Variants in PKD2 observed in about 807,000 individuals in gnomAD.
The protein encoded by PKD2 is polycystin 2, transient receptor potential cation channel.
PKD2 carries 48 observed loss-of-function variants against 105.9 expected under a neutral mutation model. The ratio of observed to expected loss-of-function variants is 0.45; its 90% CI spans 0.36 to 0.58. PKD2 has a LOEUF of 0.58. Among genes scored for constraint, PKD2 ranks in the 20% least tolerant of loss-of-function variants. The pLI, the probability that PKD2 is intolerant of heterozygous loss-of-function variation, is 0.00. For missense variants in PKD2, 1,078 were observed against 1,255.3 expected (o/e 0.86, Z 2.13); for synonymous variants, 464 against 481.1 (o/e 0.96, Z 0.46).
intron 2 of PKD2, among the ~76,000 whole-genome samples, chr4:88,031,972 T>C (rs1727173462): frequency 6.6e-6 from 1 of 152,212 alleles, no homozygotes; most frequent in African/African-American, 2.4e-5. Context: ...AAAAAATATT[T>C]TGTTCCTGAT....
rs1473427950 is a variant in PKD2 at position 88,007,667 on chromosome 4, T to A, written c.-67T>A. The A allele has an allele frequency of 9.7e-7, 1 of 1,032,276 alleles. No individual in the cohort carries two copies. Among genetic ancestry groups the A allele is most frequent in the Non-Finnish European group, 1.2e-6 (1 of 850,996 alleles). 63.9% of individuals were successfully genotyped at this position (1,032,276 alleles called of 1,614,324 possible). ...GGCGGGCGCCGGGAAGAAAGGAACA[T>A]GGCTCCTGAGGCGCACAGCGCCGAG... On this transcript the variant is annotated 5_prime_UTR_variant, in exon 1 of 15. An upstream start codon of the reference 5' UTR is lost. Transcript: ENST00000237596.
chr4:88,014,585 C>G (rs558840093), intron 1 of PKD2, among the ~76,000 whole-genome samples: 1 of 152,112 alleles, frequency 6.6e-6, no homozygotes, highest in Non-Finnish European at 1.5e-5. Context: ...AAAGCCACTT[C>G]CCTTTCTAAA....
intron 1 of PKD2, among the ~76,000 whole-genome samples, chr4:88,012,712 A>G (rs1726428065): frequency 6.6e-6 from 1 of 152,178 alleles, no homozygotes; most frequent in African/African-American, 2.4e-5. Flanking sequence ...CTCATTAAAC[A>G]GTAACTCCCT....
chr4:88,058,988 T>C (rs1720461892), intron 9 of PKD2, among the ~76,000 whole-genome samples: 1 of 152,226 alleles, frequency 6.6e-6, no homozygotes, highest in Non-Finnish European at 1.5e-5. Flanking sequence ...TCCATTTCAG[T>C]AAATTGTGTA....
rs1170210119 is a variant in PKD2, at chr4:88,056,081, T to C, written c.1717-5T>C. 2 of 1,598,926 alleles carry C rather than the reference T, an allele frequency of 1.3e-6. No individual in the cohort carries two copies. The highest frequency in any genetic ancestry group is 2.2e-5 in the South Asian group (2 of 90,788). The stretch of plus-strand genomic sequence containing the variant: ...TCATCTATTGATGTCTTCTCTCTCT[T>C]ACAGCTCTTCAAATTCATCAATTTT... On this transcript the variant is annotated splice_region_variant and splice_polypyrimidine_tract_variant and intron_variant, in intron 7 of 14. Transcript: ENST00000237596.
At chr4:88,049,817 CAT>C (rs566560089) in intron 6 of PKD2, among the ~76,000 whole-genome samples, 369 of 152,102 alleles carry the variant, frequency 2.4e-3, no homozygotes, top group Admixed American at 6.1e-3. Flanking sequence ...CTTTCCCCAA[CAT>C]ATGTTCTGAA....
In PKD2 at chr4:88,075,368, C is replaced by G. The variant is rs1721192138; in HGVS notation, c.2671-90C>G. The G allele has an allele frequency of 3.1e-6, 3 of 960,680 alleles. 1 individual carries two copies. Among genetic ancestry groups the G allele is most frequent in the East Asian group, 2.4e-5 (1 of 42,004 alleles). 59.5% of individuals were successfully genotyped at this position (960,680 alleles called of 1,614,324 possible). A position where few individuals can be genotyped will look rare whatever the true frequency, so the allele number is the denominator to read the frequency against. On this transcript the variant is annotated intron_variant, in intron 14 of 14. Coordinates refer to ENST00000237596, the MANE Select transcript of PKD2 (RefSeq NM_000297.4). The stretch of plus-strand genomic sequence containing the variant: ...GCTATTATATGCTGTAAATCTCCAG[C>G]CTTACCAAACTACAGATTATTTGGT...
intron 13 of PKD2, among the ~76,000 whole-genome samples, chr4:88,074,086 A>G (rs1211955031): frequency 2.0e-5 from 3 of 152,146 alleles, no homozygotes; most frequent in African/African-American, 7.2e-5. Flanking sequence ...TTAGAATTTT[A>G]TTGTATGGAT....
chr4:88,074,661 G>T, intron 13 of PKD2, 151 bp from the exon 14 acceptor site: 1 of 827,706 alleles, frequency 1.2e-6, no homozygotes, highest in Non-Finnish European at 2.0e-6. Flanking sequence ...GCATCCGAGA[G>T]TTAATCTGTA....
At chr4:88,040,130 GA>G (rs1210668326) in intron 4 of PKD2, among the ~76,000 whole-genome samples, 1 of 152,124 alleles carries the variant, frequency 6.6e-6, no homozygotes, top group Admixed American at 6.6e-5. Context: ...TTTTATAGAT[GA>G]AAAAACTGAG....
intron 5 of PKD2, among the ~76,000 whole-genome samples, chr4:88,044,590 T>C (rs1052784580): frequency 6.6e-6 from 1 of 152,242 alleles, no homozygotes. Flanking sequence ...TTGGAATGTC[T>C]GCATATATAT....
At chr4:88,045,098 T>G (rs1381741458) in intron 5 of PKD2, among the ~76,000 whole-genome samples, 1 of 152,250 alleles carries the variant, frequency 6.6e-6, no homozygotes, top group Non-Finnish European at 1.5e-5. Context: ...CTTGAGTATT[T>G]CTTCTGCTTC....
At chr4:88,074,647 A>G (rs1441159027) in intron 13 of PKD2, among the ~76,000 whole-genome samples, 165 bp from the exon 14 acceptor site, 1 of 152,194 alleles carries the variant, frequency 6.6e-6, no homozygotes, top group African/African-American at 2.4e-5. Flanking sequence ...CACTCCTACC[A>G]GCGGCATCCG....
At position 88,074,865 on chromosome 4, in the gene PKD2, A is replaced by G; in HGVS notation, c.2576A>G (p.Lys859Arg). 6.2e-7 allele frequency: 1 copy of G among 1,614,138 alleles called. No individual in the cohort carries two copies. Among genetic ancestry groups the G allele is most frequent in the Non-Finnish European group, 8.5e-7 (1 of 1,180,006 alleles). The change falls in exon 14 of 15, where the codon AAG (lysine) becomes AGG (arginine). Residue 859 changes from lysine (K) to arginine (R), a missense_variant. By Grantham distance (26) the Lys-to-Arg change is conservative. Transcript: ENST00000237596. The part of the protein sequence containing the change: ...MEHSIGSIVS[K>R]IDAVIVKLEI... ...CATTCCATCGGCAGCATAGTGTCCA[A>G]GATTGACGCCGTGATCGTGAAGCTA... is the stretch of plus-strand genomic sequence containing the variant.
intron 3 of PKD2, among the ~76,000 whole-genome samples, chr4:88,037,909 A>G (rs1486565541): frequency 1.3e-5 from 2 of 152,216 alleles, no homozygotes; most frequent in African/African-American, 2.4e-5. Context: ...ACATTATTTT[A>G]ATAAGGGAAA....
chr4:88,017,365 C>T (rs1038661024), intron 1 of PKD2, among the ~76,000 whole-genome samples: 3 of 152,178 alleles, frequency 2.0e-5, no homozygotes, highest in African/African-American at 7.2e-5. Context: ...ATGTTTCATT[C>T]AAAGGCTAGA....
chr4:88,053,562 C>T (rs982493249), intron 7 of PKD2, among the ~76,000 whole-genome samples: 2 of 151,298 alleles, frequency 1.3e-5, no homozygotes, highest in South Asian at 2.1e-4. Flanking sequence ...GAGGCTTAGG[C>T]GGGAGGATTG....
rs1413388495 is a variant in PKD2 at position 88,007,704 on chromosome 4, G to T, written c.-30G>T. 5 of 1,167,654 alleles carry T rather than the reference G, an allele frequency of 4.3e-6. No individual in the cohort carries two copies. The South Asian group carries it at 7.6e-5, about 18-fold the overall frequency. The allele number at this position is 1,167,654 out of a possible 1,614,324, so 72.3% of individuals were successfully genotyped here. On this transcript the variant is annotated 5_prime_UTR_variant, in exon 1 of 15. Transcript: ENST00000237596. ...CGCACAGCGCCGAGCGCGGCGCCGC[G>T]CACCCGCGCGCCGGACGCCAGTGAC...
chr4:88,029,042 CTG>C (rs1727052211), intron 2 of PKD2, among the ~76,000 whole-genome samples: 3 of 152,162 alleles, frequency 2.0e-5, no homozygotes, highest in African/African-American at 7.2e-5. Context: ...GTTTTAGTGA[CTG>C]TATTTCACAA....
Sources: gnomAD v4.1 joint callset for allele counts (sites outside exome capture counted in the v4.1 genomes callset) on GRCh38, gnomAD v4.1.1 for gene constraint, MANE v1.5 for transcripts, NCBI Gene and HGNC (gene_info 2026-07-23, HGNC 2026-07-21) for gene names.